The following STXBP5L variants were observed in gnomAD, a reference collection of about 807,000 sequenced individuals.
STXBP5L encodes syntaxin-binding protein 5-like.
A neutral mutation model predicts 144.5 loss-of-function variants in STXBP5L; 65 were observed. That is an observed-to-expected ratio of 0.45 (90% CI 0.37 to 0.55). The LOEUF (loss-of-function observed/expected upper bound fraction) is 0.55, where lower values mean the gene tolerates loss of function less well. STXBP5L is among the 20% of genes least tolerant of loss of function. The pLI, the probability that STXBP5L is intolerant of heterozygous loss-of-function variation, is 0.00. For missense variants in STXBP5L, 1,298 were observed against 1,405.5 expected (o/e 0.92, Z 1.22); for synonymous variants, 505 against 469.6 (o/e 1.08, Z -0.97).
intron 9 of STXBP5L, among the ~76,000 whole-genome samples, chr3:121,180,732 G>A (rs1335710251): frequency 6.6e-6 from 1 of 152,110 alleles, no homozygotes; most frequent in Non-Finnish European, 1.5e-5. Flanking sequence ...AAATTAGCTA[G>A]GCATGGTAGC....
rs531069212 is a variant in STXBP5L, at chr3:120,916,170, T to C, written c.189+6403T>C. Among the ~76,000 whole-genome samples, 10 of 152,324 alleles carry C rather than the reference T, an allele frequency of 6.6e-5. No homozygotes were observed. The South Asian group carries it at 1.9e-3, about 28-fold the overall frequency. On this transcript the variant is annotated intron_variant, in intron 2 of 26. Coordinates refer to ENST00000471454, the MANE Select transcript of STXBP5L (RefSeq NM_001308330.2). ...TTTATTGGAAGCCCAAAATTACCAGTTAATATTGATGGTTTATAGAATTAT... is the reference window on the plus strand; with the variant it reads ...TTTATTGGAAGCCCAAAATTACCAGCTAATATTGATGGTTTATAGAATTAT...
At chr3:121,301,549 C>T (rs2051907655) in intron 19 of STXBP5L, among the ~76,000 whole-genome samples, 2 of 152,100 alleles carry the variant, frequency 1.3e-5, no homozygotes, top group Non-Finnish European at 2.9e-5. Flanking sequence ...CCTTCTCCTG[C>T]CTAATTGCCC....
chr3:121,076,987 G>T (rs759903448), intron 5 of STXBP5L, among the ~76,000 whole-genome samples: 5 of 152,100 alleles, frequency 3.3e-5, no homozygotes, highest in Non-Finnish European at 7.4e-5. Context: ...TCCTAGGTCT[G>T]GTTTTTCCCA....
rs1161847567 is a variant in STXBP5L, at chr3:121,159,627, C to CTTTTTTT, written c.877+2014_877+2020dup. Among the ~76,000 whole-genome samples the CTTTTTTT allele has an allele frequency of 1.2e-4, 15 of 121,946 alleles. 1 individual carries two copies. The highest frequency in any genetic ancestry group is 1.7e-4 in the Non-Finnish European group (10 of 58,352). 80.0% of individuals were successfully genotyped at this position (121,946 alleles called of 152,430 possible). On this transcript the variant is annotated intron_variant, in intron 9 of 26. Coordinates refer to ENST00000471454, the MANE Select transcript of STXBP5L (RefSeq NM_001308330.2). ...TGTGCTTGGGAAGAATGTACATTTT[C>CTTTTTTT]TTTTTTTTTTTTTTTTTTTTGAGAC...
chr3:121,200,887 A>C (rs567265629), intron 9 of STXBP5L, among the ~76,000 whole-genome samples: 1 of 152,176 alleles, frequency 6.6e-6, no homozygotes, highest in African/African-American at 2.4e-5. Context: ...TTTGCTGAGG[A>C]GTGTTTTGTT....
chr3:121,168,568 A>G (rs775648290), intron 9 of STXBP5L, among the ~76,000 whole-genome samples: 23 of 152,210 alleles, frequency 1.5e-4, no homozygotes, highest in Non-Finnish European at 2.8e-4. Context: ...AGCTGAACTG[A>G]TCAAGTGTAA....
chr3:121,168,213 A>G (rs1013720462), intron 9 of STXBP5L, among the ~76,000 whole-genome samples: 1 of 152,184 alleles, frequency 6.6e-6, no homozygotes, highest in African/African-American at 2.4e-5. Context: ...AGATAAATCC[A>G]TGAAGATGGG....
At chr3:120,981,506 C>T (rs1941772316) in intron 3 of STXBP5L, among the ~76,000 whole-genome samples, 1 of 151,950 alleles carries the variant, frequency 6.6e-6, no homozygotes, top group African/African-American at 2.4e-5. Flanking sequence ...ATTGTGGTTC[C>T]TTTAATGAAT....
chr3:120,965,362 T>C (rs1232115859), intron 3 of STXBP5L, among the ~76,000 whole-genome samples: 2 of 152,240 alleles, frequency 1.3e-5, no homozygotes, highest in East Asian at 3.8e-4. Context: ...ATGCAGTTTC[T>C]TCATAGCATC....
intron 10 of STXBP5L, among the ~76,000 whole-genome samples, chr3:121,213,345 G>T (rs775801138): frequency 6.6e-6 from 1 of 152,040 alleles, no homozygotes; most frequent in Non-Finnish European, 1.5e-5. Flanking sequence ...TTGGCTGTGG[G>T]TTTCTCATAA....
intron 2 of STXBP5L, among the ~76,000 whole-genome samples, chr3:120,912,505 A>G (rs1576406341): frequency 6.6e-6 from 1 of 151,936 alleles, no homozygotes; most frequent in East Asian, 1.9e-4. Flanking sequence ...AGGTAGTAGG[A>G]TGTTCGCTAG....
intron 2 of STXBP5L, among the ~76,000 whole-genome samples, chr3:120,930,009 G>T (rs1206738439): frequency 6.6e-6 from 1 of 150,722 alleles, no homozygotes; most frequent in African/African-American, 2.4e-5. Flanking sequence ...TTATAGTTTT[G>T]TAAAATTTTT....
At chr3:121,235,002 AT>A (rs200616249) in intron 12 of STXBP5L, among the ~76,000 whole-genome samples, 21 of 151,194 alleles carry the variant, frequency 1.4e-4, no homozygotes, top group South Asian at 8.3e-4. Context: ...ATATATATAT[AT>A]TTTTTTATTT....
chr3:121,379,520 G>T (rs1381480203), intron 21 of STXBP5L, among the ~76,000 whole-genome samples: 1 of 152,028 alleles, frequency 6.6e-6, no homozygotes, highest in Non-Finnish European at 1.5e-5. Context: ...AATAATTTTA[G>T]GAAGATTTGC....
At chr3:120,928,992 G>A (rs1709781420) in intron 2 of STXBP5L, among the ~76,000 whole-genome samples, 1 of 152,114 alleles carries the variant, frequency 6.6e-6, no homozygotes, top group Non-Finnish European at 1.5e-5. Flanking sequence ...AGAAGAGTGG[G>A]AGAGCTTTGT....
At chr3:121,214,903 A>G (rs1451344569) in intron 10 of STXBP5L, among the ~76,000 whole-genome samples, 1 of 152,096 alleles carries the variant, frequency 6.6e-6, no homozygotes, top group Non-Finnish European at 1.5e-5. Flanking sequence ...TATTGGTTGC[A>G]TATATATTTA....
At chr3:121,121,043 G>C (rs2044437099) in intron 6 of STXBP5L, among the ~76,000 whole-genome samples, 1 of 151,236 alleles carries the variant, frequency 6.6e-6, no homozygotes, top group Admixed American at 6.6e-5. Flanking sequence ...TATTCTGTTA[G>C]ACTCATAATT....
In STXBP5L at chr3:120,917,598, G is replaced by A. The variant is rs150724367; in HGVS notation, c.189+7831G>A. 4.2e-3 allele frequency among the ~76,000 whole-genome samples: 632 copies of A among 152,132 alleles called. 3 individuals are homozygous for A. The highest frequency in any genetic ancestry group is 0.014 in the African/African-American group (594 of 41,448). On this transcript the variant is annotated intron_variant, in intron 2 of 26. Transcript: ENST00000471454. The stretch of plus-strand genomic sequence containing the variant: ...TAGTCCTAGCTACTGAGGAGGATGA[G>A]GGGGAGGAACCCTTCAGGATAGGAG...
At position 121,407,389 on chromosome 3, in the gene STXBP5L, A is replaced by C. The variant is rs776330795; in HGVS notation, c.2734A>C (p.Asn912His). Residue 912 changes from asparagine to histidine, a missense_variant, in exon 23 of 27, where the codon AAC (asparagine) becomes CAC (histidine). Physicochemically the swap from Asn to His is moderately conservative, Grantham distance 68 (BLOSUM62 1). Transcript: ENST00000471454. ...ATCTTGGAGAAGGAAAGTGGTAATG[A>C]ACTCATCTTCTGCATCCCAAGAAAT... ...EKSWRRKVVM[N>H]SSSASQEIGD... The C allele has an allele frequency of 5.0e-6, 8 of 1,613,008 alleles. No individual in the cohort carries two copies. The highest frequency in any genetic ancestry group is 3.3e-5 in the Admixed American group (2 of 59,848).
Sources: allele counts gnomAD v4.1 joint callset (sites outside exome capture counted in the v4.1 genomes callset), GRCh38; gene constraint gnomAD v4.1.1; transcripts MANE v1.5; gene names NCBI Gene and HGNC (gene_info 2026-07-23, HGNC 2026-07-21).